The following IL1RAPL2 variants were observed in gnomAD, a reference collection of about 807,000 sequenced individuals.
IL1RAPL2 encodes the protein X-linked interleukin-1 receptor accessory protein-like 2.
Under a neutral mutation model 44.1 loss-of-function variants are expected in IL1RAPL2, and 3 were observed. The ratio of observed to expected loss-of-function variants is 0.07; its 90% CI spans 0.03 to 0.18. The LOEUF (loss-of-function observed/expected upper bound fraction) is 0.18, where lower values mean the gene tolerates loss of function less well. Among genes scored for constraint, IL1RAPL2 ranks in the 10% least tolerant of loss-of-function variants. The pLI is 1.00. For synonymous variants in IL1RAPL2, 181 were observed against 178.8 expected (o/e 1.01, Z -0.10); for missense variants, 391 against 496.4 (o/e 0.79, Z 2.02).
chrX:105,041,261 T>G (rs1041496363), intron 2 of IL1RAPL2, among the ~76,000 whole-genome samples: 1 of 111,500 alleles, frequency 9.0e-6, no homozygotes, highest in Non-Finnish European at 1.9e-5. Flanking sequence ...TTATAATTTC[T>G]GTTCTTTTAC....
chrX:105,313,059 A>G (rs1248367331), intron 5 of IL1RAPL2, among the ~76,000 whole-genome samples: 2 of 111,716 alleles, frequency 1.8e-5, no homozygotes, highest in Non-Finnish European at 1.9e-5. Flanking sequence ...TGTTCATTCA[A>G]ATACACTGAC....
chrX:104,946,680 C>A (rs909960117), intron 2 of IL1RAPL2, among the ~76,000 whole-genome samples: 2 of 100,581 alleles, frequency 2.0e-5, no homozygotes, highest in African/African-American at 7.3e-5. Flanking sequence ...GTTTTTAGTT[C>A]TTGCAATAGT....
In IL1RAPL2 at chrX:104,973,508, C is replaced by T. The variant is rs182385730; in HGVS notation, c.83-221967C>T. Among the ~76,000 whole-genome samples the T allele has an allele frequency of 3.4e-3, 380 of 111,136 alleles. 2 individuals are homozygous for T. Among genetic ancestry groups the T allele is most frequent in the Non-Finnish European group, 5.3e-3 (279 of 52,978 alleles). On this transcript the variant is annotated intron_variant, in intron 2 of 10. Coordinates refer to ENST00000372582, the MANE Select transcript of IL1RAPL2 (RefSeq NM_017416.2). ...ACCAGAAGAAAAAACTCACAGGAGCCGACAAAAAAGCTAAAGGAGGGAGTT... is the reference window on the plus strand; with the variant it reads ...ACCAGAAGAAAAAACTCACAGGAGCTGACAAAAAAGCTAAAGGAGGGAGTT...
intron 2 of IL1RAPL2, among the ~76,000 whole-genome samples, chrX:104,887,726 C>T (rs1923290497): frequency 9.0e-6 from 1 of 111,661 alleles, no homozygotes; most frequent in African/African-American, 3.3e-5. Context: ...AAATTATAGT[C>T]CAGACTTATG....
chrX:104,794,158 G>A (rs1303293611), intron 2 of IL1RAPL2, among the ~76,000 whole-genome samples: 1 of 112,104 alleles, frequency 8.9e-6, no homozygotes, highest in African/African-American at 3.2e-5. Flanking sequence ...GGGGATATGT[G>A]AAAGCATACA....
rs182970148 is a variant in IL1RAPL2 at position 105,588,458 on chromosome X, G to A, written c.772+104071G>A. Among the ~76,000 whole-genome samples, 147 of 111,611 alleles carry A rather than the reference G, an allele frequency of 1.3e-3. 1 individual carries two copies. Among genetic ancestry groups the A allele is most frequent in the Non-Finnish European group, 2.1e-3 (111 of 53,127 alleles). ...TTATCCAGGCAAATTGCACATCACC[G>A]GGGTTTGGTGTACTGATTATTTTAT... On this transcript the variant is annotated intron_variant, in intron 6 of 10. Transcript: ENST00000372582.
chrX:105,106,319 G>A (rs2032743788), intron 2 of IL1RAPL2, among the ~76,000 whole-genome samples: 1 of 111,057 alleles, frequency 9.0e-6, no homozygotes, highest in Non-Finnish European at 1.9e-5. Flanking sequence ...ATGGCCTCTG[G>A]AGCCATTCTA....
chrX:105,622,477 T>A (rs779497774), intron 6 of IL1RAPL2, among the ~76,000 whole-genome samples: 1 of 110,364 alleles, frequency 9.1e-6, no homozygotes, highest in African/African-American at 3.3e-5. Flanking sequence ...CTGGGTGTTA[T>A]AAATGGTATG....
rs968829984 is a variant in IL1RAPL2, at chrX:104,725,448, G to A, written c.82+66453G>A. Among the ~76,000 whole-genome samples, 3 of 111,694 alleles carry A rather than the reference G, an allele frequency of 2.7e-5. No homozygotes were observed. In the East Asian group the frequency reaches 8.5e-4, roughly 32 times the overall value. ...GGTATTTCTGGTTCTAGATCCTTGAGGAATCACCACACTGTCTTCCACAAC... is the reference window on the plus strand; with the variant it reads ...GGTATTTCTGGTTCTAGATCCTTGAAGAATCACCACACTGTCTTCCACAAC... On this transcript the variant is annotated intron_variant, in intron 2 of 10. Coordinates refer to ENST00000372582, the MANE Select transcript of IL1RAPL2 (RefSeq NM_017416.2).
chrX:105,401,220 C>T (rs969782174), intron 5 of IL1RAPL2, among the ~76,000 whole-genome samples: 1 of 111,202 alleles, frequency 9.0e-6, no homozygotes, highest in African/African-American at 3.3e-5. Context: ...AGGGGCTGAA[C>T]ATTCAAAATA....
intron 2 of IL1RAPL2, among the ~76,000 whole-genome samples, chrX:104,794,027 C>G (rs747897511): frequency 8.9e-6 from 1 of 111,888 alleles, no homozygotes; most frequent in East Asian, 2.8e-4. Flanking sequence ...ACCTGAATTC[C>G]AACTGTGTCT....
intron 10 of IL1RAPL2, among the ~76,000 whole-genome samples, chrX:105,766,755 T>C (rs1450075145): frequency 1.8e-5 from 2 of 108,407 alleles, no homozygotes; most frequent in East Asian, 5.8e-4. Flanking sequence ...AACAAAACAC[T>C]GTAAGTAATG....
intron 2 of IL1RAPL2, among the ~76,000 whole-genome samples, chrX:104,730,690 C>T (rs1381743362): frequency 9.3e-6 from 1 of 107,358 alleles, no homozygotes; most frequent in African/African-American, 3.4e-5. Context: ...CATACGTGTG[C>T]ATGTGTCTTT....
rs996302456 is a variant in IL1RAPL2, at chrX:105,406,546, T to C, written c.698-77767T>C. ...AAGTCAGAACTGCGATGCCAGGATT[T>C]GAACTTCAGTGGTGCTGATCTTTCT... On this transcript the variant is annotated intron_variant, in intron 5 of 10. Coordinates refer to ENST00000372582, the MANE Select transcript of IL1RAPL2 (RefSeq NM_017416.2). 2.2e-5 allele frequency: 26 copies of C among 1,192,786 alleles called. No homozygotes were observed. The African/African-American group carries it at 3.7e-4, about 17-fold the overall frequency.
intron 6 of IL1RAPL2, among the ~76,000 whole-genome samples, chrX:105,624,381 C>T (rs1356547142): frequency 9.0e-6 from 1 of 111,191 alleles, no homozygotes; most frequent in Non-Finnish European, 1.9e-5. Flanking sequence ...GCTGTTATAA[C>T]TCACCTGAGG....
intron 5 of IL1RAPL2, among the ~76,000 whole-genome samples, chrX:105,353,627 C>G (rs1406927195): frequency 2.7e-5 from 3 of 111,385 alleles, no homozygotes; most frequent in African/African-American, 9.8e-5. Flanking sequence ...GTTTGTGGAT[C>G]TCCTTGAAGA....
At chrX:105,355,801 A>G (rs1428181708) in intron 5 of IL1RAPL2, among the ~76,000 whole-genome samples, 2 of 111,646 alleles carry the variant, frequency 1.8e-5, no homozygotes, top group Admixed American at 1.9e-4. Flanking sequence ...AGCACCACAC[A>G]CATAGGCTGC....
At chrX:104,809,122 T>C (rs1932948140) in intron 2 of IL1RAPL2, among the ~76,000 whole-genome samples, 1 of 111,985 alleles carries the variant, frequency 8.9e-6, no homozygotes, top group African/African-American at 3.2e-5. Flanking sequence ...AAACTGGTAA[T>C]GGACCACTGA....
chrX:105,215,854 C>T (rs782353499), intron 3 of IL1RAPL2, among the ~76,000 whole-genome samples: 2 of 111,738 alleles, frequency 1.8e-5, no homozygotes, highest in African/African-American at 6.5e-5. Flanking sequence ...GAACCAATGA[C>T]AAAAACCACA....
Sources: allele counts gnomAD v4.1 joint callset (sites outside exome capture counted in the v4.1 genomes callset), GRCh38; gene constraint gnomAD v4.1.1; transcripts MANE v1.5; gene names NCBI Gene and HGNC (gene_info 2026-07-23, HGNC 2026-07-21).